The following MGAT4C variants were observed in gnomAD, a reference collection of about 807,000 sequenced individuals.
MGAT4C encodes alpha-1,3-mannosyl-glycoprotein 4-beta-N-acetylglucosaminyltransferase C.
In MGAT4C, 19 loss-of-function variants were observed where a neutral mutation model predicts 40.1. The observed-to-expected ratio is 0.47, with a 90% CI of 0.33 to 0.70. The LOEUF (loss-of-function observed/expected upper bound fraction) is 0.70, where lower values mean the gene tolerates loss of function less well. Among genes scored for constraint, MGAT4C ranks in the 30% least tolerant of loss-of-function variants. The pLI, the probability that MGAT4C is intolerant of heterozygous loss-of-function variation, is 0.02. For missense variants in MGAT4C, 491 were observed against 563.2 expected, an observed-to-expected ratio of 0.87 and a Z score of 1.30; for synonymous variants, 181 against 187.1, an observed-to-expected ratio of 0.97 and a Z score of 0.27.
In MGAT4C at chr12:85,989,441, G is replaced by A. The variant is rs1180303746; in HGVS notation, c.106C>T (p.Leu36Phe). 3 of 1,607,464 alleles carry A rather than the reference G, an allele frequency of 1.9e-6. 1 individual carries two copies. The South Asian group carries it at 3.3e-5, about 18-fold the overall frequency. The stretch of plus-strand genomic sequence containing the variant: ...TCAATGTACAAGTTCATAAAAAGGA[G>A]AAAAATGACAAGAACTCCCAAGAAT... ...VSFLGVLVIF[L>F]LFMNLYIEDS... Residue 36 changes from leucine to phenylalanine, a missense_variant, in exon 3 of 5, where the codon CTC becomes TTC. By Grantham distance (22) the Leu-to-Phe change is conservative. Coordinates refer to ENST00000611864, the MANE Select transcript of MGAT4C (RefSeq NM_001351288.2).
intron 2 of MGAT4C, among the ~76,000 whole-genome samples, chr12:86,538,617 T>TG (rs2136382163): frequency 6.6e-6 from 1 of 151,464 alleles, no homozygotes; most frequent in Non-Finnish European, 1.5e-5. Flanking sequence ...TCTTTTTTTT[T>TG]TTTTTTTGAG....
At chr12:86,105,497 T>C (rs1875987893) in intron 1 of MGAT4C, among the ~76,000 whole-genome samples, 1 of 152,116 alleles carries the variant, frequency 6.6e-6, no homozygotes, top group African/African-American at 2.4e-5. Context: ...TCAAATAACC[T>C]ATATTGATTG....
intron 1 of MGAT4C, among the ~76,000 whole-genome samples, chr12:86,739,157 A>C (rs1951028158): frequency 6.7e-6 from 1 of 148,756 alleles, no homozygotes; most frequent in East Asian, 2.0e-4. Flanking sequence ...AAAAAAAAAA[A>C]AAAAAATCTA....
At chr12:86,314,122 G>A (rs993680377) in intron 4 of MGAT4C, among the ~76,000 whole-genome samples, 1 of 152,128 alleles carries the variant, frequency 6.6e-6, no homozygotes, top group African/African-American at 2.4e-5. Context: ...CTCAAATATC[G>A]TTTTTCATCT....
At chr12:86,122,893 T>G (rs1879631838) in intron 1 of MGAT4C, among the ~76,000 whole-genome samples, 1 of 152,174 alleles carries the variant, frequency 6.6e-6, no homozygotes, top group South Asian at 2.1e-4. Flanking sequence ...TATTTTTACC[T>G]ATTTCTAAGT....
chr12:86,152,690 G>A (rs911972339), intron 1 of MGAT4C, among the ~76,000 whole-genome samples: 1 of 152,208 alleles, frequency 6.6e-6, no homozygotes, highest in East Asian at 1.9e-4. Context: ...CATTCAACAA[G>A]TATTTAGTGA....
At chr12:86,277,520 T>G (rs1953105728) in intron 4 of MGAT4C, among the ~76,000 whole-genome samples, 1 of 152,200 alleles carries the variant, frequency 6.6e-6, no homozygotes, top group Non-Finnish European at 1.5e-5. Flanking sequence ...AGCCTTTTCA[T>G]AGTTTGAGGT....
chr12:86,772,473 T>C (rs962176708), intron 1 of MGAT4C, among the ~76,000 whole-genome samples: 10 of 152,280 alleles, frequency 6.6e-5, no homozygotes, highest in African/African-American at 2.2e-4. Flanking sequence ...GAAGTTGGCA[T>C]TTCTGCCACT....
At chr12:86,431,002 T>C (rs978955562) in intron 3 of MGAT4C, among the ~76,000 whole-genome samples, 1 of 152,176 alleles carries the variant, frequency 6.6e-6, no homozygotes, top group African/African-American at 2.4e-5. Flanking sequence ...GCTTGTTAAG[T>C]TGCCAAGTTA....
At chr12:86,408,467 CTCTCTCTCTCTCTATATATA>C (rs1286370026) in intron 3 of MGAT4C, among the ~76,000 whole-genome samples, 21 of 108,084 alleles carry the variant, frequency 1.9e-4, no homozygotes, top group African/African-American at 7.9e-4. Flanking sequence ...CTCTCTCTCT[CTCTCTCTCTCTCTATATATA>C]TATATATATA....
At chr12:86,678,700 A>G (rs927073682) in intron 2 of MGAT4C, among the ~76,000 whole-genome samples, 1 of 150,720 alleles carries the variant, frequency 6.6e-6, no homozygotes, top group Non-Finnish European at 1.5e-5. Context: ...TGTTCTTGCG[A>G]TAGTTTACTG....
intron 3 of MGAT4C, among the ~76,000 whole-genome samples, chr12:86,403,340 A>T (rs538962365): frequency 6.6e-6 from 1 of 152,374 alleles, no homozygotes; most frequent in South Asian, 2.1e-4. Flanking sequence ...CTCTGGAACC[A>T]TTCCTGTAAC....
At chr12:86,695,682 C>T (rs1440549818) in intron 2 of MGAT4C, among the ~76,000 whole-genome samples, 2 of 152,050 alleles carry the variant, frequency 1.3e-5, no homozygotes, top group African/African-American at 2.4e-5. Context: ...GAAAGACAAA[C>T]ATCACATGTT....
At chr12:86,073,440 G>A (rs1020745286) in intron 1 of MGAT4C, among the ~76,000 whole-genome samples, 6 of 152,184 alleles carry the variant, frequency 3.9e-5, no homozygotes, top group African/African-American at 1.4e-4. Flanking sequence ...CTGGGTAACA[G>A]GTAGTAGTTG....
At chr12:86,285,114 G>T (rs1566258166) in intron 4 of MGAT4C, among the ~76,000 whole-genome samples, 1 of 151,944 alleles carries the variant, frequency 6.6e-6, no homozygotes, top group Non-Finnish European at 1.5e-5. Flanking sequence ...AATCTTAATT[G>T]ATAAAACAAG....
chr12:86,225,360 G>A (rs1257423958), intron 1 of MGAT4C, among the ~76,000 whole-genome samples: 1 of 152,004 alleles, frequency 6.6e-6, no homozygotes, highest in Non-Finnish European at 1.5e-5. Context: ...AATTAGACGA[G>A]TCAAACAAAG....
Position 85,980,022 on chromosome 12 carries a change from G to A in MGAT4C, c.704C>T (p.Thr235Ile), listed in dbSNP as rs1314300804. ...DDVRCSKNFLTAIKKVIASLE... is the reference protein window; with the variant it reads ...DDVRCSKNFLIAIKKVIASLE... ...GGATGCAATGACTTTCTTGATGGCA[G>A]TTAAGAAATTTTTTGAACATCGAAC... The change falls in exon 5 of 5, where the codon ACT (threonine) becomes ATT (isoleucine). Residue 235 changes from threonine (T) to isoleucine (I), a missense_variant. By Grantham distance (89) the Thr-to-Ile change is moderately conservative. Coordinates refer to ENST00000611864, the MANE Select transcript of MGAT4C (RefSeq NM_001351288.2). 2 of 1,613,568 alleles carry A rather than the reference G, an allele frequency of 1.2e-6. No individual in the cohort carries two copies. The highest frequency in any genetic ancestry group is 1.7e-6 in the Non-Finnish European group (2 of 1,179,796).
chr12:86,543,669 A>G (rs1053223975), intron 2 of MGAT4C, among the ~76,000 whole-genome samples: 8 of 152,166 alleles, frequency 5.3e-5, no homozygotes, highest in African/African-American at 1.9e-4. Context: ...GGGAAACATT[A>G]CTAGTATTTT....
chr12:86,587,479 C>A (rs1357750441), intron 2 of MGAT4C, among the ~76,000 whole-genome samples: 1 of 152,004 alleles, frequency 6.6e-6, no homozygotes, highest in Non-Finnish European at 1.5e-5. Flanking sequence ...TTTTCCAATT[C>A]TGTGAAGAAA....
Sources: gnomAD v4.1 joint callset for allele counts (sites outside exome capture counted in the v4.1 genomes callset) on GRCh38, gnomAD v4.1.1 for gene constraint, MANE v1.5 for transcripts, NCBI Gene and HGNC (gene_info 2026-07-23, HGNC 2026-07-21) for gene names.